Variants in ALDH2 observed in about 807,000 individuals in gnomAD.
The protein encoded by ALDH2 is aldehyde dehydrogenase, mitochondrial.
In ALDH2, 44 loss-of-function variants were observed where a neutral mutation model predicts 59.6. The ratio of observed to expected loss-of-function variants is 0.74; its 90% CI spans 0.58 to 0.95. The LOEUF (loss-of-function observed/expected upper bound fraction) is 0.95. Among genes scored for constraint, ALDH2 ranks in the 40% least tolerant of loss-of-function variants. The pLI is 0.00. For synonymous variants in ALDH2, 291 were observed against 284.0 expected, an observed-to-expected ratio of 1.02 and a Z score of -0.25; for missense variants, 570 against 696.3, an observed-to-expected ratio of 0.82 and a Z score of 2.04.
chr12:111,800,301 C>G (rs1012586095), intron 11 of ALDH2, among the ~76,000 whole-genome samples: 1 of 152,232 alleles, frequency 6.6e-6, no homozygotes, highest in African/African-American at 2.4e-5. Flanking sequence ...GGCTCCTCCC[C>G]AGCTGCCTCA....
At chr12:111,776,728 A>G (rs1329047180) in intron 1 of ALDH2, among the ~76,000 whole-genome samples, 4 of 151,398 alleles carry the variant, frequency 2.6e-5, no homozygotes, top group East Asian at 1.9e-4. Flanking sequence ...TCTGTTGCCC[A>G]GGCTGGAGTA....
chr12:111,817,369 G>A lies in ALDH2; in HGVS notation c.*7794G>A, dbSNP rs1479599218. 2.0e-5 allele frequency: 3 copies of A among 152,148 alleles called. No homozygotes were observed. The highest frequency in any genetic ancestry group is 2.1e-4 in the South Asian group (1 of 4,824). The allele number at this position is 152,148 out of a possible 1,614,324, so 9.4% of individuals were successfully genotyped here. A position where few individuals can be genotyped will look rare whatever the true frequency, so the allele number is the denominator to read the frequency against. On this transcript the variant is annotated 3_prime_UTR_variant, in exon 13 of 13. Transcript: ENST00000261733. ...ACAGGAATCCATAGCCCAGGGATGCGACCCAAAATTATCAAAGTAGAGACA... is the reference window on the plus strand; with the variant it reads ...ACAGGAATCCATAGCCCAGGGATGCAACCCAAAATTATCAAAGTAGAGACA...
rs186439725 is a variant in ALDH2, at chr12:111,798,371, A to G, written c.1248+129A>G. 6.9e-3 allele frequency: 6,719 copies of G among 970,378 alleles called. 32 individuals are homozygous for G. Among genetic ancestry groups the G allele is most frequent in the Non-Finnish European group, 8.3e-3 (5,653 of 678,036 alleles). 60.1% of individuals were successfully genotyped at this position (970,378 alleles called of 1,614,324 possible). ...CAGATCTCAAGTTATACCCAGAACC[A>G]GTGCCCATAACACGCTATTCATAGT... On this transcript the variant is annotated intron_variant, in intron 10 of 12. Transcript: ENST00000261733.
At chr12:111,777,887 G>A (rs1041864624) in intron 1 of ALDH2, among the ~76,000 whole-genome samples, 1 of 152,126 alleles carries the variant, frequency 6.6e-6, no homozygotes, top group Non-Finnish European at 1.5e-5. Context: ...TAACTAATAT[G>A]AAACCACACA....
At chr12:111,793,041 A>G (rs2068375694) in intron 9 of ALDH2, among the ~76,000 whole-genome samples, 1 of 152,086 alleles carries the variant, frequency 6.6e-6, no homozygotes, top group Admixed American at 6.6e-5. Flanking sequence ...TGTAACAAAT[A>G]CCAGGAGTGT....
intron 5 of ALDH2, 128 bp from the exon 6 acceptor site, chr12:111,790,296 ATGGATGGAGT>A (rs1459397819): frequency 3.1e-5 from 34 of 1,097,724 alleles, no homozygotes; most frequent in Non-Finnish European, 4.3e-5. Context: ...TAAAACCACG[ATGGATGGAGT>A]TAGGGGAGGA....
At chr12:111,808,832 G>A (rs563911739) in intron 12 of ALDH2, among the ~76,000 whole-genome samples, 2 of 152,250 alleles carry the variant, frequency 1.3e-5, no homozygotes, top group Non-Finnish European at 2.9e-5. Context: ...GATTGGAGTG[G>A]TGCAGTGCAG....
chr12:111,798,272 C>T, intron 10 of ALDH2, 30 bp downstream of exon 10: 1 of 1,521,184 alleles, frequency 6.6e-7, no homozygotes, highest in Non-Finnish European at 8.8e-7. Context: ...GCTCTGGAAA[C>T]ATTCTTGGCG....
chr12:111,791,130 G>A (rs551857413), intron 6 of ALDH2, among the ~76,000 whole-genome samples, 176 bp from the exon 7 acceptor site: 3 of 152,304 alleles, frequency 2.0e-5, no homozygotes, highest in African/African-American at 7.2e-5. Flanking sequence ...CCAGCGAACA[G>A]ACTCCTTCTC....
chr12:111,787,721 C>A (rs1468374952), intron 4 of ALDH2, among the ~76,000 whole-genome samples: 3 of 152,028 alleles, frequency 2.0e-5, no homozygotes, highest in Non-Finnish European at 2.9e-5. Context: ...CATGATGAAA[C>A]CCCGTCTCTA....
intron 2 of ALDH2, among the ~76,000 whole-genome samples, chr12:111,782,257 C>T: frequency 6.6e-6 from 1 of 152,220 alleles, no homozygotes; most frequent in East Asian, 1.9e-4. Context: ...TACAGTGTCT[C>T]CTTTCCAGAC....
At chr12:111,769,956 C>T (rs1159364792) in intron 1 of ALDH2, among the ~76,000 whole-genome samples, 2 of 151,988 alleles carry the variant, frequency 1.3e-5, no homozygotes, top group Non-Finnish European at 2.9e-5. Context: ...CTAGCCTGGC[C>T]AACATAGTGA....
intron 10 of ALDH2, 117 bp downstream of exon 10, chr12:111,798,359 A>G (rs958995096): frequency 6.9e-6 from 8 of 1,154,000 alleles, no homozygotes; most frequent in Non-Finnish European, 8.3e-6. Flanking sequence ...ATCTCAAGTT[A>G]TACCCAGAAC....
rs1311610680 is a variant in ALDH2 at position 111,807,963 on chromosome 12, G to A, written c.1522-1580G>A. 3.3e-5 allele frequency among the ~76,000 whole-genome samples: 5 copies of A among 150,270 alleles called. 1 individual carries two copies. Among genetic ancestry groups the A allele is most frequent in the African/African-American group, 7.4e-5 (3 of 40,726 alleles). On this transcript the variant is annotated intron_variant, in intron 12 of 12. Coordinates refer to ENST00000261733, the MANE Select transcript of ALDH2 (RefSeq NM_000690.4). ...GTGATCTTGGCTCACTGCAACCTCC[G>A]CCTCCCGGGCTCAAGCGATTCTCAT...
chr12:111,800,162 G>A (rs1490067075), intron 11 of ALDH2, 99 bp downstream of exon 11: 14 of 1,401,384 alleles, frequency 1.0e-5, no homozygotes, highest in Non-Finnish European at 1.3e-5. Flanking sequence ...TTGGGGAGCT[G>A]GGCTCAGTTT....
At chr12:111,797,672 T>C (rs1055601306) in intron 9 of ALDH2, among the ~76,000 whole-genome samples, 1 of 152,136 alleles carries the variant, frequency 6.6e-6, no homozygotes, top group African/African-American at 2.4e-5. Flanking sequence ...TGTGCATATG[T>C]AGAATAAATT....
intron 12 of ALDH2, among the ~76,000 whole-genome samples, chr12:111,808,413 T>G (rs944153693): frequency 1.3e-5 from 2 of 152,074 alleles, no homozygotes; most frequent in African/African-American, 4.8e-5. Flanking sequence ...GTTTAAAAAT[T>G]TAAGAAAGCG....
At position 111,783,284 on chromosome 12, in the gene ALDH2, C is replaced by G; in HGVS notation, c.346C>G (p.Arg116Gly). Residue 116 changes from arginine to glycine, a missense_variant, in exon 3 of 13, where the codon CGG (arginine) becomes GGG (glycine). Transcript: ENST00000261733. The part of the protein sequence containing the change: ...NRLADLIERD[R>G]TYLAALETLD... ...CCTGGCCGATCTGATCGAGCGGGACCGGACCTACCTGGCGGTGAGTCCTCA... is the reference window on the plus strand; with the variant it reads ...CCTGGCCGATCTGATCGAGCGGGACGGGACCTACCTGGCGGTGAGTCCTCA... The G allele has an allele frequency of 2.5e-6, 4 of 1,608,446 alleles. No individual in the cohort carries two copies. The highest frequency in any genetic ancestry group is 3.4e-6 in the Non-Finnish European group (4 of 1,176,286).
chr12:111,808,274 A>T (rs1416029320), intron 12 of ALDH2, among the ~76,000 whole-genome samples: 1 of 152,198 alleles, frequency 6.6e-6, no homozygotes, highest in African/African-American at 2.4e-5. Flanking sequence ...GTGGCTGCTC[A>T]TGGGTGCAAG....
Sources: gnomAD v4.1 joint callset for allele counts (sites outside exome capture counted in the v4.1 genomes callset) on GRCh38, gnomAD v4.1.1 for gene constraint, MANE v1.5 for transcripts, NCBI Gene and HGNC (gene_info 2026-07-23, HGNC 2026-07-21) for gene names.